The following CNTLN variants were observed in gnomAD, a reference collection of about 807,000 sequenced individuals.
CNTLN encodes centlein, also known as centlein, centrosomal protein.
Under a neutral mutation model 180.0 loss-of-function variants are expected in CNTLN, and 212 were observed. The observed-to-expected ratio is 1.18, with a 90% CI of 1.05 to 1.32. CNTLN has a LOEUF of 1.32. Ranked by LOEUF, CNTLN falls within the 40% of genes most tolerant of loss-of-function variation. The probability of loss-of-function intolerance (pLI) is 0.00; values close to 1 mark genes in which losing one functional copy is unlikely to be tolerated. For missense variants in CNTLN, 2,095 were observed against 1,610.9 expected (o/e 1.30, Z -5.14); for synonymous variants, 722 against 563.1 (o/e 1.28, Z -3.99).
At chr9:17,469,998 A>G (rs773635616) in intron 23 of CNTLN, among the ~76,000 whole-genome samples, 6 of 151,888 alleles carry the variant, frequency 4.0e-5, no homozygotes, top group African/African-American at 1.4e-4. Context: ...CTCAATATCA[A>G]CTATTATTAT....
intron 5 of CNTLN, among the ~76,000 whole-genome samples, chr9:17,260,845 C>A (rs943946121): frequency 6.6e-6 from 1 of 151,010 alleles, no homozygotes; most frequent in Non-Finnish European, 1.5e-5. Context: ...TTTAATCCAT[C>A]TTGAGTATGG....
At chr9:17,456,721 G>A (rs377188631) in intron 18 of CNTLN, among the ~76,000 whole-genome samples, 13 of 152,064 alleles carry the variant, frequency 8.5e-5, no homozygotes, top group African/African-American at 3.1e-4. Flanking sequence ...AGCTTCTTTG[G>A]AATAATAAAA....
chr9:17,516,789 A>T, the CNTLN span, among the ~76,000 whole-genome samples: 1 of 152,006 alleles, frequency 6.6e-6, no homozygotes, highest in East Asian at 1.9e-4. Context: ...AAGGTGCCAT[A>T]TTTTGAGGTA....
At chr9:17,354,275 C>A (rs1587746676) in intron 12 of CNTLN, among the ~76,000 whole-genome samples, 1 of 152,202 alleles carries the variant, frequency 6.6e-6, no homozygotes, top group East Asian at 1.9e-4. Flanking sequence ...ACCCCCTGCT[C>A]CAGGGCGCCC....
At chr9:17,267,640 A>T (rs1004878726) in intron 5 of CNTLN, among the ~76,000 whole-genome samples, 1 of 152,118 alleles carries the variant, frequency 6.6e-6, no homozygotes, top group African/African-American at 2.4e-5. Context: ...GTGTTTTCCA[A>T]CTTGGTTCCA....
rs113314309 is a variant in CNTLN, at chr9:17,363,195, G to T, written c.1887-3422G>T. ...ATTGTGAACAAACATACAAGTGCGT[G>T]TGCCTTTATAGTAGGATGATTTATA... On this transcript the variant is annotated intron_variant, in intron 12 of 25. Transcript: ENST00000380647. 6.0e-3 allele frequency among the ~76,000 whole-genome samples: 908 copies of T among 152,290 alleles called. 11 individuals carry two copies. The highest frequency in any genetic ancestry group is 0.021 in the African/African-American group (861 of 41,574).
At chr9:17,381,177 G>A (rs913280105) in intron 13 of CNTLN, among the ~76,000 whole-genome samples, 15 of 152,286 alleles carry the variant, frequency 9.8e-5, no homozygotes, top group African/African-American at 3.4e-4. Flanking sequence ...GCCAAATCCC[G>A]AGCCATGTTT....
intron 6 of CNTLN, among the ~76,000 whole-genome samples, chr9:17,284,644 T>A (rs201153118): frequency 5.5e-5 from 5 of 90,734 alleles, no homozygotes; most frequent in African/African-American, 1.4e-4. Flanking sequence ...TTTGATTCTT[T>A]TCTCTTTTCT....
At chr9:17,497,152 C>T (rs1833499437) in intron 25 of CNTLN, among the ~76,000 whole-genome samples, 1 of 152,040 alleles carries the variant, frequency 6.6e-6, no homozygotes, top group Non-Finnish European at 1.5e-5. Context: ...GAAGGCACAG[C>T]AGTAGTCTCT....
rs1831768805 is a variant in CNTLN, at chr9:17,466,685, A to G, written c.3670-21A>G. ...CTGTTTATAAAATATCTTTTATTTT[A>G]TGACTGCTGATCTTTTGCAGGATCT... is the stretch of plus-strand genomic sequence containing the variant. On this transcript the variant is annotated intron_variant, in intron 22 of 25. Coordinates refer to ENST00000380647, the MANE Select transcript of CNTLN (RefSeq NM_017738.4). 4 of 1,585,468 alleles carry G rather than the reference A, an allele frequency of 2.5e-6. No individual in the cohort carries two copies. In the South Asian group the frequency reaches 4.6e-5, roughly 18 times the overall value.
chr9:17,514,698 G>A, the CNTLN span, among the ~76,000 whole-genome samples: 15 of 152,128 alleles, frequency 9.9e-5, no homozygotes, highest in Admixed American at 6.5e-4. Flanking sequence ...AGGGAAGCCC[G>A]GCCTAGATCA....
intron 25 of CNTLN, among the ~76,000 whole-genome samples, chr9:17,499,456 A>G (rs1457935196): frequency 2.0e-5 from 3 of 152,210 alleles, no homozygotes; most frequent in Non-Finnish European, 4.4e-5. Flanking sequence ...TTTGTGTACA[A>G]TCTATGAAAA....
chr9:17,361,077 A>G (rs1823347814), intron 12 of CNTLN, among the ~76,000 whole-genome samples: 1 of 152,054 alleles, frequency 6.6e-6, no homozygotes, highest in Admixed American at 6.5e-5. Context: ...AATTATTATT[A>G]TACTTTAAGT....
Position 17,457,608 on chromosome 9 carries a change from T to G in CNTLN, c.3199T>G (p.Leu1067Val). ...GGAGTCCTCATCTGAAATCACAAGTTTGGCAGAAGAAAATTCCCAGGTAAC... is the reference window on the plus strand; with the variant it reads ...GGAGTCCTCATCTGAAATCACAAGTGTGGCAGAAGAAAATTCCCAGGTAAC... Reference protein sequence around the residue: ...KLESSSEITSLAEENSQVTFP... With the variant: ...KLESSSEITSVAEENSQVTFP... Residue 1067 changes from leucine to valine, a missense_variant, in exon 19 of 26, where the codon TTG (leucine) becomes GTG (valine). Transcript: ENST00000380647. 6.4e-7 allele frequency: 1 copy of G among 1,568,302 alleles called. No individual in the cohort carries two copies. Among genetic ancestry groups the G allele is most frequent in the Non-Finnish European group, 8.7e-7 (1 of 1,155,252 alleles).
chr9:17,309,259 G>T lies in CNTLN; in HGVS notation c.1341+7G>T. 6.5e-7 allele frequency: 1 copy of T among 1,535,880 alleles called. No homozygotes were observed. Among genetic ancestry groups the T allele is most frequent in the Non-Finnish European group, 8.8e-7 (1 of 1,142,614 alleles). ...TCCAGACTACTCAGCACAGGTGAGA[G>T]ACATTTTCTAAAACTGTTATTCAGT... is the stretch of plus-strand genomic sequence containing the variant. On this transcript the variant is annotated splice_region_variant and intron_variant, in intron 8 of 25. Coordinates refer to ENST00000380647, the MANE Select transcript of CNTLN (RefSeq NM_017738.4).
rs1820601797 is a variant in CNTLN, at chr9:17,330,922, T to C, written c.1518+114T>C. ...TCTCTGCTTGTATTTCGGGAAACTTTTGAAAAATATTATGTACCGAACTCT... is the reference window on the plus strand; with the variant it reads ...TCTCTGCTTGTATTTCGGGAAACTTCTGAAAAATATTATGTACCGAACTCT... On this transcript the variant is annotated intron_variant, in intron 9 of 25. Transcript: ENST00000380647. 3.2e-6 allele frequency: 3 copies of C among 936,088 alleles called. No homozygotes were observed. The South Asian group carries it at 5.0e-5, about 16-fold the overall frequency. The allele number at this position is 936,088 out of a possible 1,614,324, so 58.0% of individuals were successfully genotyped here.
chr9:17,319,000 A>C (rs1467800882), intron 8 of CNTLN, among the ~76,000 whole-genome samples: 1 of 152,236 alleles, frequency 6.6e-6, no homozygotes, highest in African/African-American at 2.4e-5. Flanking sequence ...ATAGGAATGC[A>C]GATAGAAAAT....
chr9:17,405,927 C>T (rs961376561), intron 15 of CNTLN, among the ~76,000 whole-genome samples: 1 of 151,672 alleles, frequency 6.6e-6, no homozygotes, highest in African/African-American at 2.4e-5. Flanking sequence ...AGGCATGTGC[C>T]ACCACACCCA....
chr9:17,518,036 CTT>C, the CNTLN span, among the ~76,000 whole-genome samples: 3 of 69,226 alleles, frequency 4.3e-5, no homozygotes, highest in East Asian at 9.9e-4. Context: ...TTTTCTTTTC[CTT>C]TTTTTTTTTT....
Sources: allele counts gnomAD v4.1 joint callset (sites outside exome capture counted in the v4.1 genomes callset), GRCh38; gene constraint gnomAD v4.1.1; transcripts MANE v1.5; gene names NCBI Gene and HGNC (gene_info 2026-07-23, HGNC 2026-07-21).